The following PTOV1 variants were observed in gnomAD, a reference collection of about 807,000 sequenced individuals.
PTOV1 encodes the protein prostate tumor-overexpressed gene 1 protein.
A neutral mutation model predicts 58.0 loss-of-function variants in PTOV1; 20 were observed. That is an observed-to-expected ratio of 0.34 (90% confidence interval 0.24 to 0.50). The LOEUF is 0.50. Among genes scored for constraint, PTOV1 ranks in the 20% least tolerant of loss-of-function variants. The pLI is 0.98. For missense variants in PTOV1, 593 were observed against 565.4 expected, an observed-to-expected ratio of 1.05 and a Z score of -0.50; for synonymous variants, 335 against 234.2, an observed-to-expected ratio of 1.43 and a Z score of -3.93.
At chr19:49,857,867 C>G (rs368917766) in intron 7 of PTOV1, 37 bp from the exon 8 acceptor site, 11 of 1,612,342 alleles carry the variant, frequency 6.8e-6, no homozygotes, top group Non-Finnish European at 9.3e-6. Context: ...TGGGGGTCTC[C>G]AGCCCTGAGG....
intron 6 of PTOV1, 43 bp from the exon 7 acceptor site, chr19:49,857,650 C>G (rs774341064): frequency 6.4e-7 from 1 of 1,573,610 alleles, no homozygotes; most frequent in South Asian, 1.1e-5. Context: ...ACAGGTTTCC[C>G]AGGAGCCTGG....
chr19:49,854,787 C>T (rs1283788597), intron 3 of PTOV1, 44 bp from the exon 4 acceptor site: 15 of 1,613,006 alleles, frequency 9.3e-6, no homozygotes, highest in East Asian at 2.2e-5. Flanking sequence ...TGGCTGTGGC[C>T]GTGGGGATCA....
chr19:49,856,545 A>C, intron 5 of PTOV1: 2 of 201,820 alleles, frequency 9.9e-6, no homozygotes, highest in Non-Finnish European at 2.1e-5. Flanking sequence ...TGTGTGCACT[A>C]TTACCCGGTT....
chr19:49,857,198 G>T (rs2074510468), intron 6 of PTOV1, 68 bp downstream of exon 6: 2 of 1,582,542 alleles, frequency 1.3e-6, no homozygotes, highest in East Asian at 4.5e-5. Context: ...TGGTTGGGCA[G>T]CCAGACTTGG....
chr19:49,854,697 C>T (rs370169892), exon 3 of PTOV1: 4 of 1,613,486 alleles, frequency 2.5e-6, no homozygotes, highest in Admixed American at 1.7e-5. Context: ...GAAGCGGACC[C>T]TGCCCTGCCA....
At chr19:49,856,862 C>T (rs1203154613) in intron 5 of PTOV1, 113 bp from the exon 6 acceptor site, 2 of 1,299,598 alleles carry the variant, frequency 1.5e-6, no homozygotes, top group Non-Finnish European at 2.1e-6. Flanking sequence ...ACTGTGGGGG[C>T]CTCTGTCCAC....
intron 5 of PTOV1, 143 bp from the exon 6 acceptor site, chr19:49,856,832 C>CA: frequency 1.0e-6 from 1 of 985,370 alleles, no homozygotes; most frequent in Non-Finnish European, 1.5e-6. Flanking sequence ...AGAGGCCCCT[C>CA]ACCTATGGCC....
In PTOV1 at chr19:49,854,481, G is replaced by A. The variant is rs772950016; in HGVS notation, c.247G>A (p.Val83Met). The A allele has an allele frequency of 1.7e-5, 28 of 1,612,668 alleles. 1 individual carries two copies. The highest frequency in any genetic ancestry group is 2.3e-5 in the Non-Finnish European group (27 of 1,179,978). The change falls in exon 2 of 12, where the codon GTG becomes ATG. Residue 83 changes from valine to methionine, a missense_variant. Physicochemically the swap from Val to Met is conservative, Grantham distance 21. Transcript: ENST00000391842. ...TGGGCTCACCCTCGGGGGTCTGGCC[G>A]TGAGCGAGCACCGGCTCAGCAACAA... is the stretch of plus-strand genomic sequence containing the variant.
intron 6 of PTOV1, 81 bp downstream of exon 6, chr19:49,857,211 T>G (rs1233250248): frequency 6.4e-7 from 1 of 1,551,344 alleles, no homozygotes; most frequent in African/African-American, 1.4e-5. Context: ...AGACTTGGTG[T>G]GGGCGGAGTG....
exon 6 of PTOV1, chr19:49,857,034 G>A (rs1159268698): frequency 6.2e-7 from 1 of 1,614,050 alleles, no homozygotes. Context: ...TCATGCTCCT[G>A]TACTCGTCCA....
chr19:49,858,853 C>CG (rs984047285), intron 10 of PTOV1, 200 bp downstream of exon 10: 2 of 542,130 alleles, frequency 3.7e-6, no homozygotes, highest in Non-Finnish European at 3.3e-6. Context: ...CCTGGTTCTG[C>CG]GGGGGCCTGC....
exon 3 of PTOV1, chr19:49,854,711 C>T (rs778260462): frequency 9.3e-6 from 15 of 1,613,564 alleles, no homozygotes; most frequent in Non-Finnish European, 1.1e-5. Context: ...CCTGCCAAGC[C>T]TACGTGAACC....
At chr19:49,853,582 A>T (rs1448010629) in intron 1 of PTOV1, among the ~76,000 whole-genome samples, 1 of 151,532 alleles carries the variant, frequency 6.6e-6, no homozygotes, top group Non-Finnish European at 1.5e-5. Flanking sequence ...GCACCACTGC[A>T]CTCCAGTCTG....
At chr19:49,851,326 G>T in exon 1 of PTOV1, 2 of 1,027,706 alleles carry the variant, frequency 1.9e-6, no homozygotes. Context: ...GCCCGCGCCC[G>T]CCATGGTCCG....
exon 1 of PTOV1, chr19:49,851,288 T>C: frequency 9.4e-7 from 1 of 1,058,498 alleles, no homozygotes; most frequent in Non-Finnish European, 1.1e-6. Context: ...GCCCCCCTTG[T>C]GGCCCGCGGC....
chr19:49,856,671 A>G, intron 5 of PTOV1: 1 of 394,254 alleles, frequency 2.5e-6, no homozygotes, highest in Non-Finnish European at 4.7e-6. Context: ...AAGTCACCCC[A>G]TCAGGCAGTC....
intron 1 of PTOV1, among the ~76,000 whole-genome samples, chr19:49,854,172 GGT>G (rs1293909418): frequency 2.0e-5 from 3 of 152,242 alleles, no homozygotes; most frequent in African/African-American, 7.2e-5. Flanking sequence ...CCAGTGTCAA[GGT>G]GACAGCAGGC....
At chr19:49,854,331 CTG>C in intron 1 of PTOV1, 73 bp from the exon 2 acceptor site, 2 of 1,546,556 alleles carry the variant, frequency 1.3e-6, no homozygotes, top group East Asian at 2.3e-5. Context: ...GACGTCCCCT[CTG>C]GGGTGTGTGG....
chr19:49,857,662 C>A (rs540150367), intron 6 of PTOV1, 31 bp from the exon 7 acceptor site: 2 of 1,597,842 alleles, frequency 1.3e-6, no homozygotes, highest in Admixed American at 1.7e-5. Flanking sequence ...GGAGCCTGGG[C>A]CCCTCTTCCC....
Sources: allele counts gnomAD v4.1 joint callset (sites outside exome capture counted in the v4.1 genomes callset), GRCh38; gene constraint gnomAD v4.1.1; transcripts MANE v1.5; gene names NCBI Gene and HGNC (gene_info 2026-07-23, HGNC 2026-07-21).